Variants in AMD1 observed in about 807,000 individuals in gnomAD.
The protein encoded by AMD1 is adenosylmethionine decarboxylase 1, also known as S-adenosylmethionine decarboxylase proenzyme.
A neutral mutation model predicts 40.2 loss-of-function variants in AMD1; 11 were observed. The ratio of observed to expected loss-of-function variants is 0.27; its 90% CI spans 0.17 to 0.45. AMD1 has a LOEUF of 0.45. Ranked by LOEUF, AMD1 falls within the 20% of genes least tolerant of loss-of-function variation. The pLI is 1.00. For synonymous variants in AMD1, 121 were observed against 130.8 expected (o/e 0.93, Z 0.51); for missense variants, 257 against 410.2 (o/e 0.63, Z 3.23).
the AMD1 span, among the ~76,000 whole-genome samples, chr6:110,835,721 T>C: frequency 6.6e-6 from 1 of 151,940 alleles, no homozygotes; most frequent in East Asian, 1.9e-4. Context: ...AAAAATTAGC[T>C]GGGCATGGTG....
intron 1 of AMD1, among the ~76,000 whole-genome samples, chr6:110,885,396 A>G (rs1213550397): frequency 1.3e-5 from 2 of 149,990 alleles, no homozygotes; most frequent in Non-Finnish European, 3.0e-5. Flanking sequence ...TACAGGCATG[A>G]GCCATTGTGC....
At chr6:110,852,754 C>T in the AMD1 span, among the ~76,000 whole-genome samples, 11 of 152,160 alleles carry the variant, frequency 7.2e-5, no homozygotes, top group African/African-American at 2.7e-4. Context: ...ACAATATCAG[C>T]GTAAGAGTCA....
At chr6:110,884,207 A>G (rs1785564943) in intron 1 of AMD1, among the ~76,000 whole-genome samples, 1 of 152,228 alleles carries the variant, frequency 6.6e-6, no homozygotes, top group East Asian at 1.9e-4. Context: ...ACCTAGAAAC[A>G]TTGAGTAAAA....
intron 1 of AMD1, among the ~76,000 whole-genome samples, chr6:110,881,868 T>C (rs1311986772): frequency 6.6e-6 from 1 of 152,128 alleles, no homozygotes; most frequent in African/African-American, 2.4e-5. Flanking sequence ...TATAATAATT[T>C]CTAATGACTA....
chr6:110,881,077 T>C (rs1328835102), intron 1 of AMD1, among the ~76,000 whole-genome samples: 1 of 152,234 alleles, frequency 6.6e-6, no homozygotes, highest in Non-Finnish European at 1.5e-5. Flanking sequence ...CACTAAAGTG[T>C]TGTTTTTCAG....
chr6:110,893,888 A>T lies in AMD1; in HGVS notation c.*272A>T, dbSNP rs1583225599. On this transcript the variant is annotated 3_prime_UTR_variant, in exon 9 of 9. Transcript: ENST00000368885. ...GTGCATGTAGAAAAAACCTTTTACTATATGAAACTTTACAACACTTGTGAA... is the reference window on the plus strand; with the variant it reads ...GTGCATGTAGAAAAAACCTTTTACTTTATGAAACTTTACAACACTTGTGAA... 2.7e-6 allele frequency: 1 copy of T among 372,096 alleles called. No individual in the cohort carries two copies. Among genetic ancestry groups the T allele is most frequent in the East Asian group, 5.3e-5 (1 of 18,858 alleles). The allele number at this position is 372,096 out of a possible 1,614,324, so 23.0% of individuals were successfully genotyped here. A position where few individuals can be genotyped will look rare whatever the true frequency, so the allele number is the denominator to read the frequency against.
intron 2 of AMD1, 76 bp downstream of exon 2, chr6:110,887,667 G>A (rs1785769774): frequency 2.8e-6 from 3 of 1,077,436 alleles, no homozygotes; most frequent in Non-Finnish European, 3.9e-6. Flanking sequence ...GTTCCTCTCA[G>A]TTGTAGTTCT....
chr6:110,890,374 A>AT lies in AMD1; in HGVS notation c.427+19dup. 6.6e-7 allele frequency: 1 copy of AT among 1,519,698 alleles called. No individual in the cohort carries two copies. The highest frequency in any genetic ancestry group is 2.3e-5 in the East Asian group (1 of 44,308). 94.1% of individuals were successfully genotyped at this position (1,519,698 alleles called of 1,614,324 possible). A position where few individuals can be genotyped will look rare whatever the true frequency, so the allele number is the denominator to read the frequency against. On this transcript the variant is annotated intron_variant, in intron 4 of 8. Transcript: ENST00000368885. ...TTTCCCAAGTAAGTTTAAATAAAAT[A>AT]TAAACCTGTTGTCTTCTTAAAGATA...
At chr6:110,878,338 C>T (rs540483552) in intron 1 of AMD1, among the ~76,000 whole-genome samples, 4 of 152,218 alleles carry the variant, frequency 2.6e-5, no homozygotes, top group Non-Finnish European at 5.9e-5. Flanking sequence ...TCAGTCCAAG[C>T]TTTAATGCTT....
chr6:110,823,893 C>T, the AMD1 span, among the ~76,000 whole-genome samples: 14 of 152,198 alleles, frequency 9.2e-5, no homozygotes, highest in African/African-American at 3.1e-4. Flanking sequence ...GGAAATACAT[C>T]TCATGCTCAC....
upstream of AMD1, among the ~76,000 whole-genome samples, chr6:110,873,315 G>A (rs1187946235): frequency 6.6e-6 from 1 of 152,238 alleles, no homozygotes; most frequent in Non-Finnish European, 1.5e-5. Context: ...AGTGAGCCGA[G>A]ATCACGCCAC....
chr6:110,837,229 G>A, the AMD1 span, among the ~76,000 whole-genome samples: 1 of 148,108 alleles, frequency 6.8e-6, no homozygotes, highest in African/African-American at 2.5e-5. Flanking sequence ...AGCACTTTGG[G>A]AGGTCTAGGC....
At chr6:110,833,528 A>G in the AMD1 span, among the ~76,000 whole-genome samples, 1 of 152,228 alleles carries the variant, frequency 6.6e-6, no homozygotes, top group Non-Finnish European at 1.5e-5. Context: ...TATTCTCAGG[A>G]ATAGTTTAGT....
At chr6:110,815,023 C>G in the AMD1 span, 2 of 1,604,114 alleles carry the variant, frequency 1.2e-6, no homozygotes, top group Non-Finnish European at 1.7e-6. Context: ...CTTTCCGCCT[C>G]GCCTTGTAGA....
At chr6:110,863,174 T>TGGCG in the AMD1 span, among the ~76,000 whole-genome samples, 1 of 151,310 alleles carries the variant, frequency 6.6e-6, no homozygotes, top group Non-Finnish European at 1.5e-5. Flanking sequence ...CTCGATCTCC[T>TGGCG]GATCTCGTGA....
rs892930015 is a variant in AMD1, at chr6:110,889,089, G to A, written c.324+106G>A. On this transcript the variant is annotated intron_variant, in intron 3 of 8. Coordinates refer to ENST00000368885, the MANE Select transcript of AMD1 (RefSeq NM_001634.6). ...ATATACTTACTGCCTTTGTTACAAT[G>A]CATGCAAACACGTGGTAAGGTGTTC... 1.3e-5 allele frequency: 18 copies of A among 1,370,120 alleles called. No homozygotes were observed. The Admixed American group carries it at 1.4e-4, about 10-fold the overall frequency. The allele number at this position is 1,370,120 out of a possible 1,614,324, so 84.9% of individuals were successfully genotyped here.
At chr6:110,890,448 A>T in intron 4 of AMD1, 92 bp downstream of exon 4, 1 of 925,574 alleles carries the variant, frequency 1.1e-6, no homozygotes, top group Admixed American at 2.4e-5. Flanking sequence ...ACTTATGCAT[A>T]TATAGCATTC....
the AMD1 span, among the ~76,000 whole-genome samples, chr6:110,869,399 T>G: frequency 6.6e-6 from 1 of 152,216 alleles, no homozygotes; most frequent in African/African-American, 2.4e-5. Flanking sequence ...CCCAAAGTGC[T>G]GGGATTACAG....
At chr6:110,871,289 CA>C (rs905515571), upstream of AMD1, among the ~76,000 whole-genome samples, 14 of 151,712 alleles carry the variant, frequency 9.2e-5, no homozygotes, top group South Asian at 6.2e-4. Context: ...AAAATTAAAA[CA>C]AAAAAAATCA....
Sources: gnomAD v4.1 joint callset for allele counts (sites outside exome capture counted in the v4.1 genomes callset) on GRCh38, gnomAD v4.1.1 for gene constraint, MANE v1.5 for transcripts, NCBI Gene and HGNC (gene_info 2026-07-23, HGNC 2026-07-21) for gene names.